DDX1: variants seen among roughly 807,000 people sequenced by gnomAD.
DDX1 encodes the protein DEAD-box helicase 1.
Under a neutral mutation model 108.7 loss-of-function variants are expected in DDX1, and 28 were observed. The ratio of observed to expected loss-of-function variants is 0.26; its 90% CI spans 0.19 to 0.35. DDX1 has a LOEUF of 0.35. Ranked by LOEUF, DDX1 falls within the 10% of genes least tolerant of loss-of-function variation. The pLI, the probability that DDX1 is intolerant of heterozygous loss-of-function variation, is 1.00. For missense variants in DDX1, 710 were observed against 884.5 expected, an observed-to-expected ratio of 0.80 and a Z score of 2.50; for synonymous variants, 295 against 288.9, an observed-to-expected ratio of 1.02 and a Z score of -0.21.
At chr2:15,596,660 C>A in intron 3 of DDX1, 74 bp from the exon 4 acceptor site, 1 of 1,267,756 alleles carries the variant, frequency 7.9e-7, no homozygotes, top group South Asian at 1.3e-5. Flanking sequence ...AAGATTTCTA[C>A]ATACTATGGT....
chr2:15,628,021 AT>A (rs1184996932), intron 20 of DDX1, among the ~76,000 whole-genome samples: 2 of 152,034 alleles, frequency 1.3e-5, no homozygotes, highest in Non-Finnish European at 2.9e-5. Flanking sequence ...CCCCTTGAGA[AT>A]TTTGTCTGTT....
At chr2:15,623,358 T>G in intron 18 of DDX1, 78 bp from the exon 19 acceptor site, 1 of 1,411,452 alleles carries the variant, frequency 7.1e-7, no homozygotes, top group East Asian at 2.3e-5. Flanking sequence ...GCAGTCAGTC[T>G]GTGACTATAA....
chr2:15,615,039 A>G (rs972807176), intron 14 of DDX1, among the ~76,000 whole-genome samples: 5 of 152,202 alleles, frequency 3.3e-5, no homozygotes, highest in East Asian at 3.8e-4. Context: ...GCAGAATTCA[A>G]TTCTACTCTA....
intron 10 of DDX1, among the ~76,000 whole-genome samples, chr2:15,605,004 G>A (rs751402107): frequency 1.3e-5 from 2 of 152,202 alleles, no homozygotes; most frequent in African/African-American, 4.8e-5. Context: ...ACTAGATCTG[G>A]AGTGCTCTGG....
chr2:15,608,605 A>G (rs1350915115), intron 13 of DDX1, among the ~76,000 whole-genome samples: 4 of 148,698 alleles, frequency 2.7e-5, no homozygotes, highest in Admixed American at 2.7e-4. Context: ...TGTCACCACT[A>G]TCAAATTTCA....
chr2:15,603,575 C>T (rs936629725), intron 8 of DDX1, among the ~76,000 whole-genome samples: 2 of 152,190 alleles, frequency 1.3e-5, no homozygotes, highest in African/African-American at 4.8e-5. Flanking sequence ...TGTAAACTTG[C>T]ATCTGAATTT....
At chr2:15,613,768 C>T (rs928484311) in intron 14 of DDX1, among the ~76,000 whole-genome samples, 8 of 151,798 alleles carry the variant, frequency 5.3e-5, no homozygotes, top group Non-Finnish European at 8.8e-5. Context: ...CTGTGCTCAG[C>T]CATGCCATTA....
At position 15,621,050 on chromosome 2, in the gene DDX1, C is replaced by T. The variant is rs776450971; in HGVS notation, c.1396-15C>T. 4 of 1,580,136 alleles carry T rather than the reference C, an allele frequency of 2.5e-6. No homozygotes were observed. The Admixed American group carries it at 6.8e-5, about 27-fold the overall frequency. On this transcript the variant is annotated splice_polypyrimidine_tract_variant and intron_variant, in intron 17 of 25. Coordinates refer to ENST00000233084, the MANE Select transcript of DDX1 (RefSeq NM_004939.3). ...ACCACTCCTCTATCCTGTTTTTATT[C>T]CTTGCTTTTGATAGACTGATGATGT...
chr2:15,611,647 G>A lies in DDX1; in HGVS notation c.957-1577G>A, dbSNP rs192154889. ...TCCCAGTAGGGGTGGCCGGGCAGAGGCACCCCCCACCTCCCGGACGGGGCG... is the reference window on the plus strand; with the variant it reads ...TCCCAGTAGGGGTGGCCGGGCAGAGACACCCCCCACCTCCCGGACGGGGCG... On this transcript the variant is annotated intron_variant, in intron 13 of 25. Transcript: ENST00000233084. Among the ~76,000 whole-genome samples, 349 of 113,330 alleles carry A rather than the reference G, an allele frequency of 3.1e-3. 28 individuals are homozygous for A. Among genetic ancestry groups the A allele is most frequent in the Non-Finnish European group, 4.8e-3 (285 of 58,812 alleles). 74.3% of individuals were successfully genotyped at this position (113,330 alleles called of 152,430 possible).
intron 13 of DDX1, among the ~76,000 whole-genome samples, chr2:15,612,708 C>G (rs1207827495): frequency 8.6e-5 from 13 of 151,946 alleles, no homozygotes; most frequent in African/African-American, 2.7e-4. Context: ...GCACTCCAGC[C>G]TGGGCAACAT....
At position 15,620,404 on chromosome 2, in the gene DDX1, G is replaced by A. The variant is rs200804201; in HGVS notation, c.1395+8G>A. On this transcript the variant is annotated splice_region_variant and intron_variant, in intron 17 of 25. Transcript: ENST00000233084. The stretch of plus-strand genomic sequence containing the variant: ...GGAAAGAGCCACATTAGAGTAAGTG[G>A]TTTATAATATTAACATTTATGTAGA... 53 of 1,599,234 alleles carry A rather than the reference G, an allele frequency of 3.3e-5. No homozygotes were observed. The Admixed American group carries it at 8.0e-4, about 24-fold the overall frequency.
At chr2:15,612,403 T>G (rs1345731329) in intron 13 of DDX1, among the ~76,000 whole-genome samples, 1 of 144,500 alleles carries the variant, frequency 6.9e-6, no homozygotes, top group African/African-American at 2.6e-5. Context: ...ACTTCCTAGA[T>G]GGGATGGCGG....
In DDX1 at chr2:15,605,938, TTG is replaced by T. The variant is rs1200506345; in HGVS notation, c.626-10_626-9del. 2 of 1,499,018 alleles carry T rather than the reference TTG, an allele frequency of 1.3e-6. No homozygotes were observed. The highest frequency in any genetic ancestry group is 1.8e-6 in the Non-Finnish European group (2 of 1,111,540). The allele number at this position is 1,499,018 out of a possible 1,614,324, so 92.9% of individuals were successfully genotyped here. On this transcript the variant is annotated splice_polypyrimidine_tract_variant and intron_variant, in intron 10 of 25. Coordinates refer to ENST00000233084, the MANE Select transcript of DDX1 (RefSeq NM_004939.3). The stretch of plus-strand genomic sequence containing the variant: ...GATTGTTTTAATCTCTCTCTCTCTC[TTG>T]TTTTTTAAGGAAAAGATCTTGGTCT...
intron 15 of DDX1, among the ~76,000 whole-genome samples, 171 bp downstream of exon 15, chr2:15,617,513 T>C (rs1665920650): frequency 6.6e-6 from 1 of 152,148 alleles, no homozygotes; most frequent in African/African-American, 2.4e-5. Flanking sequence ...TTATTTTATG[T>C]AGTTGAAATC....
At chr2:15,606,812 C>A (rs553595724) in intron 12 of DDX1, among the ~76,000 whole-genome samples, 1 of 151,958 alleles carries the variant, frequency 6.6e-6, no homozygotes, top group Non-Finnish European at 1.5e-5. Context: ...AGAATTATTC[C>A]AAGTAGATTT....
intron 19 of DDX1, among the ~76,000 whole-genome samples, chr2:15,624,485 C>T (rs1666065961): frequency 6.6e-6 from 1 of 152,126 alleles, no homozygotes; most frequent in South Asian, 2.1e-4. Flanking sequence ...CAAACACGTC[C>T]TTCTTTACAT....
intron 5 of DDX1, among the ~76,000 whole-genome samples, chr2:15,597,804 G>C (rs1665525465): frequency 6.6e-6 from 1 of 152,092 alleles, no homozygotes; most frequent in Non-Finnish European, 1.5e-5. Flanking sequence ...AAAATATTAA[G>C]GAAGGATTTT....
intron 6 of DDX1, 81 bp from the exon 7 acceptor site, chr2:15,602,467 T>A (rs1573038411): frequency 1.1e-6 from 1 of 944,420 alleles, no homozygotes; most frequent in East Asian, 2.4e-5. Context: ...TGAATGATTT[T>A]TTTTGGTGGT....
chr2:15,608,663 GTTTTTTTTTT>G (rs569566545), intron 13 of DDX1, among the ~76,000 whole-genome samples: 1 of 106,728 alleles, frequency 9.4e-6, no homozygotes, highest in African/African-American at 3.7e-5. Flanking sequence ...TTTTTTTTAG[GTTTTTTTTTT>G]TTTTTTTTTT....
Sources: allele counts gnomAD v4.1 joint callset (sites outside exome capture counted in the v4.1 genomes callset), GRCh38; gene constraint gnomAD v4.1.1; transcripts MANE v1.5; gene names NCBI Gene and HGNC (gene_info 2026-07-23, HGNC 2026-07-21).